Variants in DTD1 observed in about 807,000 individuals in gnomAD.
DTD1 encodes the protein D-tyrosyl-tRNA deacylase 1 homolog.
Under a neutral mutation model 25.6 loss-of-function variants are expected in DTD1, and 13 were observed. That is an observed-to-expected ratio of 0.51 (90% CI 0.33 to 0.81). The LOEUF is 0.81. Among genes scored for constraint, DTD1 ranks in the 30% least tolerant of loss-of-function variants. The pLI is 0.02. For synonymous variants in DTD1, 110 were observed against 103.6 expected (o/e 1.06, Z -0.37); for missense variants, 193 against 266.4 (o/e 0.72, Z 1.92).
chr20:18,737,520 T>G (rs554391517), intron 4 of DTD1, among the ~76,000 whole-genome samples: 1 of 152,326 alleles, frequency 6.6e-6, no homozygotes, highest in Non-Finnish European at 1.5e-5. Flanking sequence ...TTGCTGGGCT[T>G]CCCCTGCCTT....
rs189897673 is a variant in DTD1 at position 18,622,761 on chromosome 20, A to G, written c.371-5366A>G. On this transcript the variant is annotated intron_variant, in intron 3 of 5. Coordinates refer to ENST00000377452, the MANE Select transcript of DTD1 (RefSeq NM_080820.6). ...TACATCTTTTCCCGTGGTCTGGACCAATTTAAATCACATAGGCGTTACTGT... is the reference window on the plus strand; with the variant it reads ...TACATCTTTTCCCGTGGTCTGGACCGATTTAAATCACATAGGCGTTACTGT... Among the ~76,000 whole-genome samples, 503 of 152,246 alleles carry G rather than the reference A, an allele frequency of 3.3e-3. 1 individual carries two copies. Among genetic ancestry groups the G allele is most frequent in the African/African-American group, 0.011 (461 of 41,556 alleles).
chr20:18,618,062 C>T lies in DTD1; in HGVS notation c.371-10065C>T, dbSNP rs557937541. Among the ~76,000 whole-genome samples, 12 of 152,236 alleles carry T rather than the reference C, an allele frequency of 7.9e-5. No homozygotes were observed. In the East Asian group the frequency reaches 2.3e-3, roughly 29 times the overall value. On this transcript the variant is annotated intron_variant, in intron 3 of 5. Coordinates refer to ENST00000377452, the MANE Select transcript of DTD1 (RefSeq NM_080820.6). Reference sequence around the variant, plus strand: ...ATGATGAATACATTTGTACATATGCCACTTCATATGCAGTCGGGAGATACC... The same window carrying T: ...ATGATGAATACATTTGTACATATGCTACTTCATATGCAGTCGGGAGATACC...
intron 3 of DTD1, among the ~76,000 whole-genome samples, chr20:18,606,342 AGTTCAACCG>A (rs1164781550): frequency 7.7e-6 from 1 of 130,212 alleles, no homozygotes; most frequent in Non-Finnish European, 1.7e-5. Flanking sequence ...AGTGTAAACT[AGTTCAACCG>A]TTGTGGAAGT....
intron 3 of DTD1, among the ~76,000 whole-genome samples, chr20:18,625,866 G>C (rs139197087): frequency 3.3e-4 from 51 of 152,322 alleles, no homozygotes; most frequent in African/African-American, 1.2e-3. Flanking sequence ...GGGCTGACCT[G>C]AGGCTTACTG....
chr20:18,637,296 G>T (rs1408098152), intron 4 of DTD1, among the ~76,000 whole-genome samples: 1 of 152,212 alleles, frequency 6.6e-6, no homozygotes, highest in Non-Finnish European at 1.5e-5. Context: ...CTGCCACACA[G>T]GCAGTGATGA....
intron 4 of DTD1, among the ~76,000 whole-genome samples, chr20:18,712,214 A>T (rs1372269137): frequency 1.3e-5 from 2 of 152,198 alleles, no homozygotes; most frequent in Non-Finnish European, 2.9e-5. Context: ...TACAGTGATT[A>T]AGTCTTCACT....
At chr20:18,607,837 T>C (rs1872016178) in intron 3 of DTD1, among the ~76,000 whole-genome samples, 1 of 151,768 alleles carries the variant, frequency 6.6e-6, no homozygotes, top group Admixed American at 6.6e-5. Flanking sequence ...TCTCAGCCTT[T>C]TGAGTAGCTG....
intron 4 of DTD1, among the ~76,000 whole-genome samples, chr20:18,718,000 G>A (rs116644769): frequency 0.022 from 3,422 of 152,292 alleles, 132 homozygotes; most frequent in African/African-American, 0.079. Context: ...CTCTGTCTGG[G>A]TTCAAAAGGA....
At chr20:18,718,335 A>G (rs1301874293) in intron 4 of DTD1, among the ~76,000 whole-genome samples, 4 of 152,218 alleles carry the variant, frequency 2.6e-5, no homozygotes, top group African/African-American at 4.8e-5. Flanking sequence ...TCCAGGTGGC[A>G]GCGACCTTCA....
At chr20:18,685,466 CA>C (rs1186294655) in intron 4 of DTD1, among the ~76,000 whole-genome samples, 2 of 152,114 alleles carry the variant, frequency 1.3e-5, no homozygotes, top group African/African-American at 2.4e-5. Flanking sequence ...TGTGAATGTG[CA>C]GGGGGGCAGA....
intron 4 of DTD1, among the ~76,000 whole-genome samples, chr20:18,720,004 A>C (rs542181630): frequency 6.6e-6 from 1 of 152,342 alleles, no homozygotes; most frequent in African/African-American, 2.4e-5. Context: ...ACAAACAGAT[A>C]ATGATTTTCT....
intron 4 of DTD1, among the ~76,000 whole-genome samples, chr20:18,705,522 A>T (rs1310987389): frequency 1.3e-5 from 2 of 152,212 alleles, no homozygotes; most frequent in East Asian, 3.9e-4. Context: ...AGCTACCGCC[A>T]GGTTCAGGTA....
chr20:18,588,980 C>A (rs2060577933), intron 1 of DTD1: 1 of 691,196 alleles, frequency 1.4e-6, no homozygotes, highest in Non-Finnish European at 1.8e-6. Flanking sequence ...TGTTTCAGTT[C>A]AAATAATTTC....
intron 4 of DTD1, among the ~76,000 whole-genome samples, chr20:18,708,263 T>A (rs1480776938): frequency 2.5e-3 from 59 of 24,012 alleles, no homozygotes; most frequent in Non-Finnish European, 4.5e-3. Flanking sequence ...TATATATATA[T>A]TTTATATATA....
chr20:18,724,518 A>G (rs2061216485), intron 4 of DTD1, among the ~76,000 whole-genome samples: 1 of 152,220 alleles, frequency 6.6e-6, no homozygotes, highest in Non-Finnish European at 1.5e-5. Context: ...CTAAGTGATT[A>G]GATTTCTAGA....
intron 4 of DTD1, among the ~76,000 whole-genome samples, chr20:18,713,196 A>G (rs2061166795): frequency 1.3e-5 from 2 of 152,198 alleles, no homozygotes; most frequent in South Asian, 2.1e-4. Flanking sequence ...TCCTCTGCCA[A>G]TTGTTCTTTC....
chr20:18,753,840 C>T (rs1179464325), intron 5 of DTD1, among the ~76,000 whole-genome samples: 1 of 151,976 alleles, frequency 6.6e-6, no homozygotes, highest in Non-Finnish European at 1.5e-5. Context: ...AAGTCAGGAC[C>T]ATCAGCTCTC....
In DTD1 at chr20:18,628,210, A is replaced by G. The variant is rs1239048141; in HGVS notation, c.454A>G (p.Thr152Ala). The G allele has an allele frequency of 1.2e-6, 2 of 1,613,648 alleles. No individual in the cohort carries two copies. Among genetic ancestry groups the G allele is most frequent in the Non-Finnish European group, 1.7e-6 (2 of 1,179,760 alleles). ...AGAGCTGGAATCGCCAGCTCCCGGCACTGCTACCTCTGACCCAAAGCAGGT... is the reference window on the plus strand; with the variant it reads ...AGAGCTGGAATCGCCAGCTCCCGGCGCTGCTACCTCTGACCCAAAGCAGGT... ...TIELESPAPG[T>A]ATSDPKQLSK... The change falls in exon 4 of 6, where the codon ACT becomes GCT. Residue 152 changes from threonine (T) to alanine (A), a missense_variant. By Grantham distance (58) the Thr-to-Ala change is moderately conservative. Coordinates refer to ENST00000377452, the MANE Select transcript of DTD1 (RefSeq NM_080820.6).
intron 4 of DTD1, chr20:18,630,857 T>C: frequency 6.3e-6 from 1 of 158,364 alleles, no homozygotes; most frequent in Non-Finnish European, 1.4e-5. Context: ...ACTTTGGGTT[T>C]TCTATGATTA....
Sources: gnomAD v4.1 joint callset for allele counts (sites outside exome capture counted in the v4.1 genomes callset) on GRCh38, gnomAD v4.1.1 for gene constraint, MANE v1.5 for transcripts, NCBI Gene and HGNC (gene_info 2026-07-23, HGNC 2026-07-21) for gene names.